The following ASCC1 variants were observed in gnomAD, a reference collection of about 807,000 sequenced individuals.
ASCC1 encodes ASC-1 complex subunit P50.
A neutral mutation model predicts 46.6 loss-of-function variants in ASCC1; 35 were observed. The ratio of observed to expected loss-of-function variants is 0.75; its 90% CI spans 0.57 to 0.99. The LOEUF (loss-of-function observed/expected upper bound fraction) is 0.99, where lower values mean the gene tolerates loss of function less well. Among genes scored for constraint, ASCC1 ranks in the 50% least tolerant of loss-of-function variants. The pLI is 0.00. For synonymous variants in ASCC1, 143 were observed against 146.6 expected (o/e 0.98, Z 0.18); for missense variants, 376 against 428.7 (o/e 0.88, Z 1.09).
At chr10:72,129,809 G>GA (rs76681296) in intron 8 of ASCC1, among the ~76,000 whole-genome samples, 141 of 136,868 alleles carry the variant, frequency 1.0e-3, no homozygotes, top group African/African-American at 1.4e-3. Context: ...TTCATCTTAG[G>GA]AAAAAAAAAA....
intron 7 of ASCC1, among the ~76,000 whole-genome samples, chr10:72,134,634 A>G (rs1845982109): frequency 1.3e-5 from 2 of 152,088 alleles, no homozygotes; most frequent in Admixed American, 1.3e-4. Context: ...GAATCTCTCA[A>G]TTACTTAGGA....
chr10:72,182,959 T>G (rs1852859119), intron 5 of ASCC1, among the ~76,000 whole-genome samples: 2 of 151,864 alleles, frequency 1.3e-5, no homozygotes, highest in South Asian at 4.1e-4. Context: ...GTATATTCCT[T>G]ATACTATCTT....
At chr10:72,209,180 G>A (rs1223258071) in intron 3 of ASCC1, among the ~76,000 whole-genome samples, 1 of 149,662 alleles carries the variant, frequency 6.7e-6, no homozygotes, top group Admixed American at 6.6e-5. Flanking sequence ...AAAAAAAAAA[G>A]AGATATTTAA....
At chr10:72,209,162 CT>C (rs1413830877) in intron 3 of ASCC1, among the ~76,000 whole-genome samples, 1 of 145,610 alleles carries the variant, frequency 6.9e-6, no homozygotes, top group Non-Finnish European at 1.5e-5. Context: ...AAAGCCCTGT[CT>C]TTAAAAAAAA....
chr10:72,098,669 A>G (rs1055617616), intron 9 of ASCC1, among the ~76,000 whole-genome samples: 6 of 152,238 alleles, frequency 3.9e-5, no homozygotes, highest in Admixed American at 3.9e-4. Flanking sequence ...CCTGCAATTA[A>G]TGGCCTAGCA....
chr10:72,191,800 C>T (rs1372226995), intron 5 of ASCC1, among the ~76,000 whole-genome samples: 2 of 151,942 alleles, frequency 1.3e-5, no homozygotes, highest in African/African-American at 2.4e-5. Flanking sequence ...GTGCCCGCCA[C>T]CATGCCCAGC....
At chr10:72,169,846 G>A (rs756497975) in intron 5 of ASCC1, among the ~76,000 whole-genome samples, 5 of 152,194 alleles carry the variant, frequency 3.3e-5, no homozygotes, top group African/African-American at 1.2e-4. Context: ...AAGGCCGGGC[G>A]TGGTGGCTCA....
chr10:72,173,522 TA>T (rs2132895427), intron 5 of ASCC1, among the ~76,000 whole-genome samples: 1 of 152,320 alleles, frequency 6.6e-6, no homozygotes, highest in African/African-American at 2.4e-5. Context: ...TTATGAGTCA[TA>T]AGGGTTCAAA....
chr10:72,188,355 G>C (rs1189611731), intron 5 of ASCC1, among the ~76,000 whole-genome samples: 1 of 151,940 alleles, frequency 6.6e-6, no homozygotes, highest in Admixed American at 6.6e-5. Flanking sequence ...CTGACCTCAA[G>C]TGATCCACCC....
In ASCC1 at chr10:72,133,172, T is replaced by C. The variant is rs1171368666; in HGVS notation, c.756A>G (p.Glu252=). The change falls in exon 8 of 10, where the codon GAA becomes GAG. Residue 252 remains glutamate (E), a synonymous_variant. Coordinates refer to ENST00000672957, the MANE Select transcript of ASCC1 (RefSeq NM_001198800.3). ...AACGTTCCAGCACTCGATCAACTAATTCTTGTAGCCTGGAGAAATTGGAGA... is the reference window on the plus strand; with the variant it reads ...AACGTTCCAGCACTCGATCAACTAACTCTTGTAGCCTGGAGAAATTGGAGA... ...HMKDGSNRLQ[E]LVDRVLERFQ... 6.2e-7 allele frequency: 1 copy of C among 1,614,116 alleles called. No homozygotes were observed. The highest frequency in any genetic ancestry group is 1.1e-5 in the South Asian group (1 of 91,074).
chr10:72,097,478 T>A (rs916847612), intron 9 of ASCC1, 28 bp from the exon 10 acceptor site: 1 of 1,368,622 alleles, frequency 7.3e-7, no homozygotes, highest in Non-Finnish European at 1.0e-6. Context: ...AAACCCAGAA[T>A]GAATATTTAA....
At chr10:72,205,536 CAGG>C (rs934148360) in intron 3 of ASCC1, among the ~76,000 whole-genome samples, 2 of 150,676 alleles carry the variant, frequency 1.3e-5, no homozygotes, top group African/African-American at 2.4e-5. Context: ...GAGGCTGAGG[CAGG>C]AGATTGCTTG....
chr10:72,097,112 A>G lies in ASCC1; in HGVS notation c.*222T>C. 1 of 606,636 alleles carries G rather than the reference A, an allele frequency of 1.6e-6. No individual in the cohort carries two copies. Among genetic ancestry groups the G allele is most frequent in the South Asian group, 1.5e-5 (1 of 67,180 alleles). The allele number at this position is 606,636 out of a possible 1,614,324, so 37.6% of individuals were successfully genotyped here. On this transcript the variant is annotated 3_prime_UTR_variant, in exon 10 of 10. Coordinates refer to ENST00000672957, the MANE Select transcript of ASCC1 (RefSeq NM_001198800.3). The stretch of plus-strand genomic sequence containing the variant: ...AAATTAAAAGAAAAAAAACCAGAAC[A>G]CACTAAGGGTTATAGGCACAAATTC...
At chr10:72,155,087 T>TG (rs58930323) in intron 6 of ASCC1, among the ~76,000 whole-genome samples, 23,936 of 152,028 alleles carry the variant, frequency 0.16, 5,981 homozygotes, top group African/African-American at 0.53. Context: ...GATGGAGGTA[T>TG]AAAAAATATG....
chr10:72,198,640 C>A, intron 4 of ASCC1: 1 of 455,896 alleles, frequency 2.2e-6, no homozygotes, highest in South Asian at 1.5e-5. Flanking sequence ...TTAAAAGCTA[C>A]CAGATCATTT....
intron 5 of ASCC1, among the ~76,000 whole-genome samples, chr10:72,192,014 CA>C (rs1430227763): frequency 6.6e-6 from 1 of 151,632 alleles, no homozygotes; most frequent in Non-Finnish European, 1.5e-5. Flanking sequence ...TAGACTTTAT[CA>C]AAATTTAAAA....
chr10:72,204,237 G>A (rs923148402), intron 3 of ASCC1, among the ~76,000 whole-genome samples: 9 of 152,126 alleles, frequency 5.9e-5, no homozygotes, highest in East Asian at 1.9e-4. Flanking sequence ...CGACAAGAAC[G>A]AGACTCTGCC....
intron 9 of ASCC1, among the ~76,000 whole-genome samples, chr10:72,116,431 G>A (rs1843500498): frequency 6.6e-6 from 1 of 152,170 alleles, no homozygotes; most frequent in African/African-American, 2.4e-5. Flanking sequence ...ACTTAACAGA[G>A]TTCCTGTTTA....
intron 9 of ASCC1, among the ~76,000 whole-genome samples, chr10:72,110,697 GAATC>G (rs1842832126): frequency 1.3e-5 from 2 of 152,202 alleles, no homozygotes; most frequent in African/African-American, 4.8e-5. Flanking sequence ...TGAGGCAGGA[GAATC>G]GCTTGAACCC....
Sources: allele counts gnomAD v4.1 joint callset (sites outside exome capture counted in the v4.1 genomes callset), GRCh38; gene constraint gnomAD v4.1.1; transcripts MANE v1.5; gene names NCBI Gene and HGNC (gene_info 2026-07-23, HGNC 2026-07-21).